PTCHD4: variants seen among roughly 807,000 people sequenced by gnomAD.
PTCHD4 encodes patched domain-containing protein 4.
Under a neutral mutation model 58.1 loss-of-function variants are expected in PTCHD4, and 33 were observed. The observed-to-expected ratio is 0.57, with a 90% CI of 0.43 to 0.76. The LOEUF (loss-of-function observed/expected upper bound fraction) is 0.76. PTCHD4 is among the 30% of genes least tolerant of loss of function. The probability of loss-of-function intolerance (pLI) is 0.00; values close to 1 mark genes in which losing one functional copy is unlikely to be tolerated. For synonymous variants in PTCHD4, 478 were observed against 409.6 expected (o/e 1.17, Z -2.02); for missense variants, 1,058 against 1,027.1 (o/e 1.03, Z -0.41).
In PTCHD4 at chr6:47,879,049, C is replaced by T. The variant is rs1323744426; in HGVS notation, c.1786G>A (p.Asp596Asn). ...RNDIIFSKAG[D>N]ESNIIASRLY... ...CGAGAAGCAATGATATTGCTTTCAT[C>T]CCCTGCCTTGGAGAAGATGATATCA... The change falls in exon 5 of 5, where the codon GAT becomes AAT. Residue 596 changes from aspartate (D) to asparagine (N), a missense_variant. Coordinates refer to ENST00000339488, the MANE Select transcript of PTCHD4 (RefSeq NM_001384253.1). 1 of 1,613,512 alleles carries T rather than the reference C, an allele frequency of 6.2e-7. No individual in the cohort carries two copies. The highest frequency in any genetic ancestry group is 8.5e-7 in the Non-Finnish European group (1 of 1,179,744).
At chr6:47,931,722 C>A (rs957625413) in intron 4 of PTCHD4, among the ~76,000 whole-genome samples, 2 of 151,360 alleles carry the variant, frequency 1.3e-5, no homozygotes, top group African/African-American at 4.8e-5. Flanking sequence ...CATATAGATT[C>A]TTCCTTCGGC....
At chr6:47,892,612 T>G (rs1423442281) in intron 4 of PTCHD4, among the ~76,000 whole-genome samples, 1 of 152,210 alleles carries the variant, frequency 6.6e-6, no homozygotes, top group African/African-American at 2.4e-5. Context: ...GGAGAATGTT[T>G]TTAAAATGTC....
chr6:47,868,013 A>G lies in PTCHD4; in HGVS notation c.*10290T>C, dbSNP rs181464919. Among the ~76,000 whole-genome samples the G allele has an allele frequency of 6.6e-5, 10 of 151,824 alleles. No individual in the cohort carries two copies. The highest frequency in any genetic ancestry group is 6.8e-3 in the Middle Eastern group (2 of 292). ...GTTCTATCTTTTTAAAGAGTAACAA[A>G]CTTTTTGGAGACTTAGATATGTCAG... On this transcript the variant is annotated 3_prime_UTR_variant, in exon 5 of 5. Transcript: ENST00000339488.
rs563148402 is a variant in PTCHD4, at chr6:47,914,296, G to A, written c.899-34360C>T. ...AGGATGTGCAGGAGTTTGGTTAAAT[G>A]TTATTCTGGGCATGTCTGTGAGGGT... On this transcript the variant is annotated intron_variant, in intron 4 of 4. Coordinates refer to ENST00000339488, the MANE Select transcript of PTCHD4 (RefSeq NM_001384253.1). Among the ~76,000 whole-genome samples, 93 of 152,206 alleles carry A rather than the reference G, an allele frequency of 6.1e-4. 1 individual carries two copies. The highest frequency in any genetic ancestry group is 2.1e-3 in the African/African-American group (88 of 41,564).
At position 47,878,107 on chromosome 6, in the gene PTCHD4, C is replaced by A; in HGVS notation, c.*196G>T. 1 of 492,188 alleles carries A rather than the reference C, an allele frequency of 2.0e-6. No individual in the cohort carries two copies. The allele number at this position is 492,188 out of a possible 1,614,324, so 30.5% of individuals were successfully genotyped here. ...TTGTTTTTAGAGGAGAACAAGGTTG[C>A]AAATAACTTTTTCCTCTTTTTTTAT... On this transcript the variant is annotated 3_prime_UTR_variant, in exon 5 of 5. Coordinates refer to ENST00000339488, the MANE Select transcript of PTCHD4 (RefSeq NM_001384253.1).
Position 47,883,909 on chromosome 6 carries a change from A to G in PTCHD4, c.899-3973T>C, listed in dbSNP as rs1394494700. Among the ~76,000 whole-genome samples, 4 of 152,334 alleles carry G rather than the reference A, an allele frequency of 2.6e-5. No individual in the cohort carries two copies. The East Asian group carries it at 7.7e-4, about 29-fold the overall frequency. On this transcript the variant is annotated intron_variant, in intron 4 of 4. Transcript: ENST00000339488. Reference sequence around the variant, plus strand: ...AAATAATATACTCACTCATACACACACATACTTAATTATCTGTTTCTGATT... The same window carrying G: ...AAATAATATACTCACTCATACACACGCATACTTAATTATCTGTTTCTGATT...
At chr6:48,045,500 C>A (rs1764003318) in intron 3 of PTCHD4, among the ~76,000 whole-genome samples, 1 of 151,742 alleles carries the variant, frequency 6.6e-6, no homozygotes, top group African/African-American at 2.4e-5. Flanking sequence ...CCTTTAGAGA[C>A]CTCTATGGTT....
chr6:47,953,241 T>C (rs1561975173), intron 4 of PTCHD4, among the ~76,000 whole-genome samples: 1 of 152,294 alleles, frequency 6.6e-6, no homozygotes, highest in East Asian at 1.9e-4. Flanking sequence ...TTGTTTACTT[T>C]CAATCTGAAA....
intron 4 of PTCHD4, among the ~76,000 whole-genome samples, chr6:47,993,048 G>T (rs114917106): frequency 7.5e-4 from 114 of 152,270 alleles, no homozygotes; most frequent in African/African-American, 2.5e-3. Context: ...ATTTTCAGCT[G>T]CAAAAGCATG....
rs1764131755 is a variant in PTCHD4, at chr6:47,884,800, G to A, written c.899-4864C>T. 2.0e-5 allele frequency among the ~76,000 whole-genome samples: 3 copies of A among 152,214 alleles called. No individual in the cohort carries two copies. The South Asian group carries it at 6.2e-4, about 32-fold the overall frequency. ...TGCTGTGTACCATGAAAATGCGGCT[G>A]ATTCTTCCTGAGGGATCAGGGAAAG... On this transcript the variant is annotated intron_variant, in intron 4 of 4. Transcript: ENST00000339488.
At chr6:48,003,987 T>A (rs1162115058) in intron 4 of PTCHD4, among the ~76,000 whole-genome samples, 1 of 152,200 alleles carries the variant, frequency 6.6e-6, no homozygotes, top group Non-Finnish European at 1.5e-5. Context: ...TATCCCTTAT[T>A]CTGCTTTATT....
At position 47,872,830 on chromosome 6, in the gene PTCHD4, A is replaced by G. The variant is rs143862227; in HGVS notation, c.*5473T>C. ...TGTGATTTGTAGACTAGGAAGTTAT[A>G]CTATAAATATATTCTTAACCCTATA... is the stretch of plus-strand genomic sequence containing the variant. On this transcript the variant is annotated 3_prime_UTR_variant, in exon 5 of 5. Transcript: ENST00000339488. 5.0e-4 allele frequency among the ~76,000 whole-genome samples: 76 copies of G among 151,768 alleles called. 1 individual carries two copies. The Middle Eastern group carries it at 0.02, about 41-fold the overall frequency.
intron 3 of PTCHD4, among the ~76,000 whole-genome samples, chr6:48,031,889 C>G (rs1763458007): frequency 6.6e-6 from 1 of 152,004 alleles, no homozygotes; most frequent in South Asian, 2.1e-4. Flanking sequence ...GATTCAGATC[C>G]TAAGAATAGT....
chr6:48,032,117 A>G (rs1763467511), intron 3 of PTCHD4, among the ~76,000 whole-genome samples: 2 of 151,978 alleles, frequency 1.3e-5, no homozygotes, highest in South Asian at 2.1e-4. Flanking sequence ...GCAATGACAC[A>G]TTGTAGAAAA....
chr6:48,063,412 C>T (rs765804189), intron 3 of PTCHD4, among the ~76,000 whole-genome samples: 1 of 152,110 alleles, frequency 6.6e-6, no homozygotes, highest in Non-Finnish European at 1.5e-5. Flanking sequence ...TTTCAGATGT[C>T]AGGAATTAGA....
intron 1 of PTCHD4, among the ~76,000 whole-genome samples, chr6:48,109,544 A>G (rs1412190666): frequency 6.6e-6 from 1 of 152,076 alleles, no homozygotes; most frequent in African/African-American, 2.4e-5. Flanking sequence ...AAAGGCAAAA[A>G]TAAACAAGTG....
At position 47,864,685 on chromosome 6, in the gene PTCHD4, CTG is replaced by C. The variant is rs34251490; in HGVS notation, c.*13616_*13617del. Among the ~76,000 whole-genome samples the C allele has an allele frequency of 0.67, 101,035 of 151,322 alleles. 34,203 individuals are homozygous for C. The highest frequency in any genetic ancestry group is 0.78 in the East Asian group (3,976 of 5,090). On this transcript the variant is annotated 3_prime_UTR_variant, in exon 5 of 5. Coordinates refer to ENST00000339488, the MANE Select transcript of PTCHD4 (RefSeq NM_001384253.1). ...ATCCTCACGTATTTTAGTTCTATGA[CTG>C]TAGAAGAATACAAAGAGTTCATATG...
chr6:48,000,858 C>T (rs1216277244), intron 4 of PTCHD4, among the ~76,000 whole-genome samples: 1 of 152,144 alleles, frequency 6.6e-6, no homozygotes, highest in East Asian at 1.9e-4. Flanking sequence ...TTTTCTTTCT[C>T]ACCTGAGTGT....
chr6:48,059,014 G>A (rs1006735355), intron 3 of PTCHD4, among the ~76,000 whole-genome samples: 1 of 152,206 alleles, frequency 6.6e-6, no homozygotes, highest in African/African-American at 2.4e-5. Context: ...TTCCGGATAA[G>A]GGCAGAAGGT....
Sources: gnomAD v4.1 joint callset for allele counts (sites outside exome capture counted in the v4.1 genomes callset) on GRCh38, gnomAD v4.1.1 for gene constraint, MANE v1.5 for transcripts, NCBI Gene and HGNC (gene_info 2026-07-23, HGNC 2026-07-21) for gene names.